SLIT3: variants seen among roughly 807,000 people sequenced by gnomAD.
SLIT3 encodes the protein slit guidance ligand 3, also known as slit homolog 3 protein.
Under a neutral mutation model 184.0 loss-of-function variants are expected in SLIT3, and 68 were observed. The observed-to-expected ratio is 0.37, with a 90% CI of 0.30 to 0.45. SLIT3 has a LOEUF of 0.45. Among genes scored for constraint, SLIT3 ranks in the 20% least tolerant of loss-of-function variants. SLIT3 has a pLI of 1.00. For synonymous variants in SLIT3, 831 were observed against 828.6 expected, an observed-to-expected ratio of 1.00 and a Z score of -0.05; for missense variants, 1,707 against 2,026.0, an observed-to-expected ratio of 0.84 and a Z score of 3.02.
chr5:168,812,249 A>C (rs1367524798), intron 8 of SLIT3, among the ~76,000 whole-genome samples: 1 of 152,162 alleles, frequency 6.6e-6, no homozygotes, highest in Non-Finnish European at 1.5e-5. Flanking sequence ...GCATGTATGA[A>C]GTTATGGTTA....
chr5:168,897,591 C>T (rs553098861), intron 4 of SLIT3, among the ~76,000 whole-genome samples: 1 of 146,444 alleles, frequency 6.8e-6, no homozygotes, highest in South Asian at 2.2e-4. Flanking sequence ...GGAAGAGACA[C>T]ACAGAGAAAG....
rs1762426959 is a variant in SLIT3, at chr5:168,707,953, GGGGGGCAGGGCCTCCA to G, written c.2844+7_2844+22del. On this transcript the variant is annotated splice_region_variant and intron_variant, in intron 26 of 35. Coordinates refer to ENST00000519560, the MANE Select transcript of SLIT3 (RefSeq NM_003062.4). ...AGGAGGAGCCTGAGGCATGAACACG[GGGGGGCAGGGCCTCCA>G]GCATACCTTGTAGCTGTAGGGGCAG... is the stretch of plus-strand genomic sequence containing the variant. The G allele has an allele frequency of 1.2e-6, 2 of 1,613,754 alleles. No individual in the cohort carries two copies. Among genetic ancestry groups the G allele is most frequent in the South Asian group, 2.2e-5 (2 of 91,074 alleles).
chr5:169,129,340 T>A (rs577576004), intron 4 of SLIT3, among the ~76,000 whole-genome samples: 1 of 152,042 alleles, frequency 6.6e-6, no homozygotes, highest in Non-Finnish European at 1.5e-5. Context: ...TCATTTGAGG[T>A]CAGGAGTTCA....
At chr5:169,240,847 C>T in intron 3 of SLIT3, among the ~76,000 whole-genome samples, 1 of 149,222 alleles carries the variant, frequency 6.7e-6, no homozygotes, top group Non-Finnish European at 1.5e-5. Context: ...TACTGTGCTC[C>T]TTTCCCCTGA....
intron 4 of SLIT3, chr5:169,022,657 C>T (rs1756645768): frequency 6.6e-6 from 1 of 152,056 alleles, no homozygotes; most frequent in Admixed American, 6.6e-5. Flanking sequence ...GTTTCTCACA[C>T]CTAAAAGCAT....
chr5:169,233,225 A>T (rs1009763610), intron 3 of SLIT3, among the ~76,000 whole-genome samples: 1 of 152,096 alleles, frequency 6.6e-6, no homozygotes, highest in Non-Finnish European at 1.5e-5. Flanking sequence ...GGGTTTCACC[A>T]TCTTGGCCAG....
intron 4 of SLIT3, among the ~76,000 whole-genome samples, chr5:169,018,182 C>T (rs868233380): frequency 4.6e-5 from 7 of 152,266 alleles, no homozygotes; most frequent in Middle Eastern, 3.4e-3. Flanking sequence ...ATCCCTGGGA[C>T]GGGGATGCCC....
At chr5:169,028,270 T>A (rs1756901404) in intron 4 of SLIT3, among the ~76,000 whole-genome samples, 1 of 152,100 alleles carries the variant, frequency 6.6e-6, no homozygotes, top group African/African-American at 2.4e-5. Flanking sequence ...GTGAATTATG[T>A]ACTTCAGAGC....
chr5:169,178,971 G>A (rs750161357), intron 4 of SLIT3, among the ~76,000 whole-genome samples: 2 of 152,214 alleles, frequency 1.3e-5, no homozygotes, highest in Non-Finnish European at 2.9e-5. Flanking sequence ...TAGGTTTGCA[G>A]AAAGGAGAAG....
intron 1 of SLIT3, among the ~76,000 whole-genome samples, chr5:169,264,642 T>C (rs1766328394): frequency 6.6e-6 from 1 of 152,114 alleles, no homozygotes. Flanking sequence ...TTGAAAACCA[T>C]CAAATCACCT....
At chr5:169,223,504 T>C (rs558440100) in intron 3 of SLIT3, among the ~76,000 whole-genome samples, 2 of 152,326 alleles carry the variant, frequency 1.3e-5, no homozygotes, top group South Asian at 2.1e-4. Context: ...AGTTAGGGAT[T>C]AGTGCAAATC....
At chr5:169,079,209 C>A (rs1162880674) in intron 4 of SLIT3, among the ~76,000 whole-genome samples, 1 of 152,070 alleles carries the variant, frequency 6.6e-6, no homozygotes, top group African/African-American at 2.4e-5. Flanking sequence ...TAAGGAGCCC[C>A]AAGTTTTCAG....
chr5:169,251,514 T>C, intron 1 of SLIT3, 55 bp from the exon 2 acceptor site: 5 of 1,200,902 alleles, frequency 4.2e-6, no homozygotes, highest in Non-Finnish European at 6.2e-6. Context: ...TTACGGTCTA[T>C]TTAATCCAGA....
rs1476098069 is a variant in SLIT3, at chr5:168,712,321, A to G, written c.2517T>C (p.Pro839=). ...ATGTGAGGTCGTTGAAGGAGCCTTCAGGAACGCTGGAAATGTCATTGCCAT... is the reference window on the plus strand; with the variant it reads ...ATGTGAGGTCGTTGAAGGAGCCTTCGGGAACGCTGGAAATGTCATTGCCAT... ...TLHGNDISSV[P]EGSFNDLTSL... is the part of the protein sequence containing the mutation. The change falls in exon 24 of 36, where the codon CCT becomes CCC. Residue 839 remains proline, a synonymous_variant. Coordinates refer to ENST00000519560, the MANE Select transcript of SLIT3 (RefSeq NM_003062.4). 2.5e-6 allele frequency: 4 copies of G among 1,614,084 alleles called. No homozygotes were observed. Among genetic ancestry groups the G allele is most frequent in the Non-Finnish European group, 3.4e-6 (4 of 1,180,026 alleles).
chr5:169,179,857 C>T (rs903047306), intron 4 of SLIT3, among the ~76,000 whole-genome samples: 9 of 152,096 alleles, frequency 5.9e-5, no homozygotes, highest in African/African-American at 1.2e-4. Context: ...TGCTCATTTC[C>T]AGAGTGTGTA....
chr5:168,965,639 A>G (rs1018513123), intron 4 of SLIT3, among the ~76,000 whole-genome samples: 2 of 152,186 alleles, frequency 1.3e-5, no homozygotes, highest in South Asian at 2.1e-4. Flanking sequence ...TTGACATACC[A>G]GTGTAGCAAA....
At chr5:168,674,443 G>T (rs1483535441) in intron 32 of SLIT3, among the ~76,000 whole-genome samples, 1 of 150,328 alleles carries the variant, frequency 6.7e-6, no homozygotes, top group Non-Finnish European at 1.5e-5. Context: ...CATAATGCAA[G>T]TATTCAACAC....
chr5:168,961,129 C>T (rs1430867185), intron 4 of SLIT3, among the ~76,000 whole-genome samples: 2 of 152,204 alleles, frequency 1.3e-5, no homozygotes, highest in Non-Finnish European at 2.9e-5. Context: ...CTCCCCTTTC[C>T]CCCTTCACTG....
chr5:169,253,236 G>T (rs529748771), intron 1 of SLIT3, among the ~76,000 whole-genome samples: 1 of 152,264 alleles, frequency 6.6e-6, no homozygotes, highest in South Asian at 2.1e-4. Context: ...GATGTTTGGG[G>T]ACCTTGACAA....
Sources: gnomAD v4.1 joint callset for allele counts (sites outside exome capture counted in the v4.1 genomes callset) on GRCh38, gnomAD v4.1.1 for gene constraint, MANE v1.5 for transcripts, NCBI Gene and HGNC (gene_info 2026-07-23, HGNC 2026-07-21) for gene names.